PHF11: variants seen among roughly 807,000 people sequenced by gnomAD.
PHF11 encodes BRCA1 C-terminus-associated protein.
Under a neutral mutation model 40.5 loss-of-function variants are expected in PHF11, and 38 were observed. That is an observed-to-expected ratio of 0.94 (90% CI 0.72 to 1.23). The LOEUF (loss-of-function observed/expected upper bound fraction) is 1.23. PHF11 is among the 50% of genes most tolerant of loss of function. PHF11 has a pLI of 0.00. For missense variants in PHF11, 369 were observed against 392.4 expected (o/e 0.94, Z 0.50); for synonymous variants, 127 against 138.2 (o/e 0.92, Z 0.57).
chr13:49,496,346 C>A, intron 1 of PHF11: 1 of 1,098,452 alleles, frequency 9.1e-7, no homozygotes, highest in Non-Finnish European at 1.1e-6. Context: ...CCCATGGTTT[C>A]GCGCGAGTGG....
At position 49,528,570 on chromosome 13, in the gene PHF11, G is replaced by T. The variant is rs774490464; in HGVS notation, c.901G>T (p.Glu301Ter). The T allele has an allele frequency of 6.2e-7, 1 of 1,611,430 alleles. No homozygotes were observed. The highest frequency in any genetic ancestry group is 8.5e-7 in the Non-Finnish European group (1 of 1,177,748). Reference protein sequence around the residue: ...QRWQQLKEEIELLQDLKQTLC... With the variant: ...QRWQQLKEEI Reference sequence around the variant, plus strand: ...GTGGCAGCAGTTGAAGGAAGAGATTGAGCTACTTCAGGACTTAAAACAAAC... The same window carrying T: ...GTGGCAGCAGTTGAAGGAAGAGATTTAGCTACTTCAGGACTTAAAACAAAC... The change falls in exon 10 of 10, where the codon GAG (glutamate) becomes TAG (stop). Residue 301 changes from glutamate (E) to a stop codon, truncating the protein, a stop_gained. Coordinates refer to ENST00000378319, the MANE Select transcript of PHF11 (RefSeq NM_001040443.3). LOFTEE classifies it low-confidence loss of function (END_TRUNC).
In PHF11 at chr13:49,509,614, G is replaced by A. The variant is rs759582025; in HGVS notation, c.216+2858G>A. ...TCCCCACGTGTCAAGGGTGGAGCCA[G>A]GTGGAGATAAGTGAATCATGGGAGC... On this transcript the variant is annotated intron_variant, in intron 2 of 9. Transcript: ENST00000378319. 1.4e-4 allele frequency among the ~76,000 whole-genome samples: 22 copies of A among 152,164 alleles called. 1 individual carries two copies. Among genetic ancestry groups the A allele is most frequent in the Non-Finnish European group, 2.6e-4 (18 of 68,034 alleles).
At chr13:49,524,724 C>T (rs1207650061) in intron 8 of PHF11, among the ~76,000 whole-genome samples, 1 of 152,160 alleles carries the variant, frequency 6.6e-6, no homozygotes, top group Non-Finnish European at 1.5e-5. Context: ...GATCCGTCCA[C>T]CTCGGCCTCC....
chr13:49,523,298 A>C, intron 7 of PHF11, 57 bp downstream of exon 7: 1 of 1,178,636 alleles, frequency 8.5e-7, no homozygotes, highest in Non-Finnish European at 1.3e-6. Context: ...TAAAAATGTC[A>C]ACCCACCTGT....
chr13:49,511,015 A>G (rs1043957113), intron 2 of PHF11, among the ~76,000 whole-genome samples: 4 of 152,174 alleles, frequency 2.6e-5, no homozygotes, highest in African/African-American at 9.7e-5. Flanking sequence ...AAGTCCCTGT[A>G]GATTTGTCTT....
chr13:49,524,411 A>T (rs1198972206), intron 8 of PHF11, among the ~76,000 whole-genome samples, 195 bp downstream of exon 8: 2 of 151,700 alleles, frequency 1.3e-5, no homozygotes, highest in African/African-American at 4.8e-5. Flanking sequence ...ATTCAAATAA[A>T]CATTTTTTAT....
At chr13:49,517,796 C>T (rs1959168605) in intron 3 of PHF11, among the ~76,000 whole-genome samples, 1 of 152,192 alleles carries the variant, frequency 6.6e-6, no homozygotes, top group Non-Finnish European at 1.5e-5. Flanking sequence ...ACAAAACTGT[C>T]TGTCCAAGCA....
chr13:49,519,656 A>T (rs959955365), intron 4 of PHF11, among the ~76,000 whole-genome samples: 3 of 142,330 alleles, frequency 2.1e-5, no homozygotes, highest in African/African-American at 8.1e-5. Flanking sequence ...ACATGGGATA[A>T]CGAGAGCAGG....
chr13:49,495,982 C>A lies in PHF11; in HGVS notation c.-20C>A, dbSNP rs540754720. 2.2e-4 allele frequency: 324 copies of A among 1,481,610 alleles called. No individual in the cohort carries two copies. The African/African-American group carries it at 3.3e-3, about 15-fold the overall frequency. 91.8% of individuals were successfully genotyped at this position (1,481,610 alleles called of 1,614,324 possible). ...CCGGGATCTCGCTATCCGGCCGCCA[C>A]CCGCAGCTGCAGCACAGTCATGGCC... On this transcript the variant is annotated 5_prime_UTR_variant, in exon 1 of 10. Transcript: ENST00000378319.
At chr13:49,504,772 AG>A (rs1352910901) in intron 1 of PHF11, among the ~76,000 whole-genome samples, 1 of 151,838 alleles carries the variant, frequency 6.6e-6, no homozygotes, top group Non-Finnish European at 1.5e-5. Flanking sequence ...TGGAATAGAA[AG>A]GGGGGAAAGG....
At chr13:49,506,817 A>G in intron 2 of PHF11, 61 bp downstream of exon 2, 1 of 1,235,250 alleles carries the variant, frequency 8.1e-7, no homozygotes, top group Non-Finnish European at 1.1e-6. Context: ...GACACATAAG[A>G]ATAGATAAAC....
At chr13:49,517,642 G>A (rs1181119803) in intron 3 of PHF11, among the ~76,000 whole-genome samples, 1 of 152,168 alleles carries the variant, frequency 6.6e-6, no homozygotes, top group Non-Finnish European at 1.5e-5. Context: ...GACCAATCTC[G>A]CCTGTCTCAA....
At chr13:49,517,841 A>G (rs1329563277) in intron 3 of PHF11, among the ~76,000 whole-genome samples, 177 bp from the exon 4 acceptor site, 6 of 152,230 alleles carry the variant, frequency 3.9e-5, no homozygotes, top group African/African-American at 1.4e-4. Flanking sequence ...AAATTCCCAA[A>G]TGAGCAGCCA....
At chr13:49,497,473 C>T (rs998814436) in intron 1 of PHF11, among the ~76,000 whole-genome samples, 2 of 152,142 alleles carry the variant, frequency 1.3e-5, no homozygotes, top group African/African-American at 2.4e-5. Context: ...ATGCATCAGT[C>T]GGGCCAGCCA....
intron 1 of PHF11, chr13:49,497,217 G>A (rs1239349192): frequency 2.3e-6 from 3 of 1,287,352 alleles, no homozygotes; most frequent in Admixed American, 2.3e-5. Context: ...TGGACTGTAA[G>A]GTAAGTCACG....
At position 49,522,078 on chromosome 13, in the gene PHF11, A is replaced by G; in HGVS notation, c.541A>G (p.Lys181Glu). 1 of 1,566,922 alleles carries G rather than the reference A, an allele frequency of 6.4e-7. No individual in the cohort carries two copies. The highest frequency in any genetic ancestry group is 1.4e-5 in the African/African-American group (1 of 74,068). Residue 181 changes from lysine (K) to glutamate (E), a missense_variant, in exon 6 of 10, where the codon AAG becomes GAG. Physicochemically the swap from Lys to Glu is moderately conservative, Grantham distance 56. Transcript: ENST00000378319. The part of the protein sequence containing the change: ...FSGVKRKRGR[K>E]KPLSGNHVQP... ...AGGAGTGAAAAGAAAAAGAGGAAGG[A>G]AGAAACCCCTCTCAGGCAATCATGT... is the stretch of plus-strand genomic sequence containing the variant.
intron 1 of PHF11, among the ~76,000 whole-genome samples, chr13:49,502,890 T>A (rs1339961807): frequency 6.8e-6 from 1 of 147,492 alleles, no homozygotes. Flanking sequence ...GCCTAGCTAA[T>A]TTTTTTTTTT....
intron 1 of PHF11, among the ~76,000 whole-genome samples, chr13:49,498,807 CTTTCTCTTAA>C (rs1185578497): frequency 6.6e-6 from 1 of 152,204 alleles, no homozygotes; most frequent in Non-Finnish European, 1.5e-5. Context: ...CCAGCACTGT[CTTTCTCTTAA>C]ACACACATGG....
rs1216073689 is a variant in PHF11 at position 49,522,082 on chromosome 13, A to G, written c.545A>G (p.Lys182Arg). 6.4e-7 allele frequency: 1 copy of G among 1,563,060 alleles called. No individual in the cohort carries two copies. The highest frequency in any genetic ancestry group is 8.8e-7 in the Non-Finnish European group (1 of 1,134,978). The change falls in exon 6 of 10, where the codon AAA (lysine) becomes AGA (arginine). Residue 182 changes from lysine to arginine, a missense_variant. Physicochemically the swap from Lys to Arg is conservative, Grantham distance 26. Coordinates refer to ENST00000378319, the MANE Select transcript of PHF11 (RefSeq NM_001040443.3). ...GTGAAAAGAAAAAGAGGAAGGAAGA[A>G]ACCCCTCTCAGGCAATCATGTACAG... is the stretch of plus-strand genomic sequence containing the variant. ...SGVKRKRGRK[K>R]PLSGNHVQPP...
Sources: gnomAD v4.1 joint callset for allele counts (sites outside exome capture counted in the v4.1 genomes callset) on GRCh38, gnomAD v4.1.1 for gene constraint, MANE v1.5 for transcripts, NCBI Gene and HGNC (gene_info 2026-07-23, HGNC 2026-07-21) for gene names.